The following FOCAD variants were observed in gnomAD, a reference collection of about 807,000 sequenced individuals.
FOCAD encodes focadhesin.
FOCAD carries 198 observed loss-of-function variants against 225.6 expected under a neutral mutation model. That is an observed-to-expected ratio of 0.88 (90% CI 0.78 to 0.99). The LOEUF is 0.99. FOCAD is among the 50% of genes least tolerant of loss of function. FOCAD has a pLI of 0.00. For missense variants in FOCAD, 2,713 were observed against 2,123.6 expected (o/e 1.28, Z -5.46); for synonymous variants, 897 against 755.0 (o/e 1.19, Z -3.08).
intron 21 of FOCAD, among the ~76,000 whole-genome samples, chr9:20,900,838 T>C (rs1348769491): frequency 1.3e-5 from 2 of 151,858 alleles, no homozygotes; most frequent in East Asian, 3.9e-4. Flanking sequence ...AATTGTCAGC[T>C]TAATTGTCAG....
intron 18 of FOCAD, among the ~76,000 whole-genome samples, chr9:20,870,245 G>T (rs142732141): frequency 6.6e-6 from 1 of 152,132 alleles, no homozygotes; most frequent in Non-Finnish European, 1.5e-5. Context: ...GGTGTAACCC[G>T]TTTGGCTTTG....
intron 35 of FOCAD, among the ~76,000 whole-genome samples, chr9:20,974,067 A>C (rs1840014267): frequency 7.2e-6 from 1 of 138,970 alleles, no homozygotes; most frequent in Admixed American, 7.2e-5. Flanking sequence ...TGCTGTTTTC[A>C]CTTTTGCTGT....
At chr9:20,791,461 A>G (rs1820531965) in intron 11 of FOCAD, among the ~76,000 whole-genome samples, 1 of 152,172 alleles carries the variant, frequency 6.6e-6, no homozygotes. Flanking sequence ...CCATCACCTC[A>G]AACATTTATC....
intron 21 of FOCAD, chr9:20,897,029 T>C (rs1280204708): frequency 6.6e-6 from 1 of 151,896 alleles, no homozygotes; most frequent in Non-Finnish European, 1.5e-5. Flanking sequence ...TTAATCTGTT[T>C]CTTCTTGCAG....
intron 7 of FOCAD, among the ~76,000 whole-genome samples, chr9:20,768,534 G>T (rs559476523): frequency 5.3e-5 from 8 of 151,662 alleles, no homozygotes; most frequent in East Asian, 1.9e-4. Flanking sequence ...CCTTGAAGAG[G>T]TCCTTCACAT....
intron 11 of FOCAD, among the ~76,000 whole-genome samples, chr9:20,791,892 T>G (rs1312339195): frequency 1.3e-5 from 2 of 152,204 alleles, no homozygotes; most frequent in South Asian, 4.1e-4. Flanking sequence ...GCAAAAAATG[T>G]AAAGCAGAAC....
At chr9:20,686,756 T>TTA (rs1323563375) in intron 1 of FOCAD, among the ~76,000 whole-genome samples, 1 of 152,196 alleles carries the variant, frequency 6.6e-6, no homozygotes, top group Non-Finnish European at 1.5e-5. Context: ...TATGGTATAC[T>TTA]TATATGAGTA....
intron 43 of FOCAD, among the ~76,000 whole-genome samples, chr9:20,995,132 T>G (rs1841962069): frequency 6.6e-6 from 1 of 152,002 alleles, no homozygotes; most frequent in Non-Finnish European, 1.5e-5. Context: ...GAACCTAACT[T>G]TATTATAGGT....
Position 20,953,048 on chromosome 9 carries a change from T to C in FOCAD, c.4115T>C (p.Ile1372Thr), listed in dbSNP as rs1345361662. The change falls in exon 35 of 44, where the codon ATT (isoleucine) becomes ACT (threonine). Residue 1372 changes from isoleucine (I) to threonine (T), a missense_variant. Transcript: ENST00000338382. The stretch of plus-strand genomic sequence containing the variant: ...ATTGGAGCAGCTATTGGCTTCTTCA[T>C]TACAGGAGGAAAAAAAGGCAAGTGA... The part of the protein sequence containing the change: ...SFIGAAIGFF[I>T]TGGKKGPESV... 9 of 1,613,044 alleles carry C rather than the reference T, an allele frequency of 5.6e-6. No homozygotes were observed. The highest frequency in any genetic ancestry group is 7.6e-6 in the Non-Finnish European group (9 of 1,179,574).
chr9:20,668,477 A>G (rs569766683), intron 2 of FOCAD, among the ~76,000 whole-genome samples: 39 of 152,378 alleles, frequency 2.6e-4, no homozygotes, highest in African/African-American at 9.1e-4. Flanking sequence ...ACAGCTAACT[A>G]TTGTTTTCCT....
chr9:20,815,359 G>T lies in FOCAD; in HGVS notation c.1456-4437G>T, dbSNP rs374261272. ...GGGGTTTCACCATGTTGGCCCAACTGGTCTCGAACTCCTGATCTCAGGTGA... is the reference window on the plus strand; with the variant it reads ...GGGGTTTCACCATGTTGGCCCAACTTGTCTCGAACTCCTGATCTCAGGTGA... On this transcript the variant is annotated intron_variant, in intron 11 of 43. Coordinates refer to ENST00000338382, the MANE Select transcript of FOCAD (RefSeq NM_001375567.1). Among the ~76,000 whole-genome samples, 12 of 149,648 alleles carry T rather than the reference G, an allele frequency of 8.0e-5. 1 individual carries two copies. The East Asian group carries it at 2.2e-3, about 27-fold the overall frequency.
At chr9:20,854,219 CTG>C (rs1171216701) in intron 15 of FOCAD, among the ~76,000 whole-genome samples, 5 of 151,876 alleles carry the variant, frequency 3.3e-5, no homozygotes, top group Non-Finnish European at 5.9e-5. Context: ...AGATAGCTCT[CTG>C]TTCCTCTGCA....
intron 26 of FOCAD, among the ~76,000 whole-genome samples, chr9:20,926,930 T>C (rs1441690404): frequency 6.6e-6 from 1 of 150,866 alleles, no homozygotes; most frequent in African/African-American, 2.4e-5. Context: ...GAAAATATTA[T>C]ATATGTAAAT....
chr9:20,766,862 A>T (rs950499350), intron 7 of FOCAD, among the ~76,000 whole-genome samples: 1 of 151,944 alleles, frequency 6.6e-6, no homozygotes, highest in Non-Finnish European at 1.5e-5. Context: ...TTTAGGGTAC[A>T]TGTGCACATT....
intron 2 of FOCAD, among the ~76,000 whole-genome samples, chr9:20,666,632 A>C (rs1019149572): frequency 2.6e-5 from 4 of 152,196 alleles, no homozygotes; most frequent in African/African-American, 9.6e-5. Flanking sequence ...ATTTGGAATG[A>C]AGTTTCCAAT....
upstream of FOCAD, among the ~76,000 whole-genome samples, chr9:20,681,736 A>G (rs575125282): frequency 5.3e-5 from 8 of 152,322 alleles, no homozygotes; most frequent in African/African-American, 1.9e-4. Flanking sequence ...TAGATTAAAT[A>G]AATTAAAAGG....
upstream of FOCAD, among the ~76,000 whole-genome samples, chr9:20,679,689 A>G (rs1326108557): frequency 2.0e-5 from 3 of 152,188 alleles, no homozygotes; most frequent in Non-Finnish European, 4.4e-5. Flanking sequence ...CAGTGGAAAT[A>G]ATACAAGGAG....
intron 15 of FOCAD, among the ~76,000 whole-genome samples, chr9:20,861,068 G>T (rs576476770): frequency 1.3e-5 from 2 of 151,996 alleles, no homozygotes; most frequent in South Asian, 4.2e-4. Flanking sequence ...CTCTTCTCAG[G>T]TCTTATCATC....
At chr9:20,717,052 A>G (rs754657390) in intron 2 of FOCAD, among the ~76,000 whole-genome samples, 13 of 152,218 alleles carry the variant, frequency 8.5e-5, no homozygotes, top group Non-Finnish European at 1.6e-4. Flanking sequence ...TCTTATTACT[A>G]TTCCTTTTAC....
Sources: gnomAD v4.1 joint callset for allele counts (sites outside exome capture counted in the v4.1 genomes callset) on GRCh38, gnomAD v4.1.1 for gene constraint, MANE v1.5 for transcripts, NCBI Gene and HGNC (gene_info 2026-07-23, HGNC 2026-07-21) for gene names.